SMOC2: variants seen among roughly 807,000 people sequenced by gnomAD.
The protein encoded by SMOC2 is SPARC related modular calcium binding 2.
A neutral mutation model predicts 61.4 loss-of-function variants in SMOC2; 39 were observed. That is an observed-to-expected ratio of 0.64 (90% CI 0.49 to 0.83). SMOC2 has a LOEUF of 0.83. Ranked by LOEUF, SMOC2 falls within the 40% of genes least tolerant of loss-of-function variation. The probability of loss-of-function intolerance (pLI) is 0.00; values close to 1 mark genes in which losing one functional copy is unlikely to be tolerated. For missense variants in SMOC2, 556 were observed against 592.9 expected, an observed-to-expected ratio of 0.94 and a Z score of 0.65; for synonymous variants, 247 against 239.9, an observed-to-expected ratio of 1.03 and a Z score of -0.27.
chr6:168,658,949 T>G (rs1787398891), intron 11 of SMOC2, among the ~76,000 whole-genome samples: 1 of 149,860 alleles, frequency 6.7e-6, no homozygotes, highest in African/African-American at 2.5e-5. Context: ...GTGGTGTGTG[T>G]GGTGTGTGTG....
intron 1 of SMOC2, among the ~76,000 whole-genome samples, chr6:168,480,292 C>T (rs1005637855): frequency 1.3e-5 from 2 of 151,998 alleles, no homozygotes; most frequent in Non-Finnish European, 2.9e-5. Flanking sequence ...TGAAAAAGAC[C>T]TGATAGCAGA....
chr6:168,615,173 G>T (rs1392846485), intron 9 of SMOC2, among the ~76,000 whole-genome samples: 1 of 68,852 alleles, frequency 1.5e-5, no homozygotes. Flanking sequence ...AGCCAGCACA[G>T]GGCCTCTTCA....
At chr6:168,616,475 T>C (rs928555427) in intron 9 of SMOC2, among the ~76,000 whole-genome samples, 26 of 152,154 alleles carry the variant, frequency 1.7e-4, no homozygotes, top group African/African-American at 6.0e-4. Context: ...GGTGGCATGA[T>C]ACCTAAAGAA....
intron 2 of SMOC2, among the ~76,000 whole-genome samples, chr6:168,518,909 G>A (rs1783236873): frequency 6.6e-6 from 1 of 151,786 alleles, no homozygotes; most frequent in Non-Finnish European, 1.5e-5. Flanking sequence ...GCGTGCATGT[G>A]TGAGTGAGCA....
At chr6:168,442,835 A>G (rs772626867) in intron 1 of SMOC2, among the ~76,000 whole-genome samples, 1 of 152,182 alleles carries the variant, frequency 6.6e-6, no homozygotes, top group African/African-American at 2.4e-5. Flanking sequence ...CTTGTGTCTC[A>G]CAAATGACTT....
chr6:168,526,348 G>A lies in SMOC2; in HGVS notation c.259G>A (p.Val87Met), dbSNP rs186976793. ...EIAYRGNCKD[V>M]SRCVAERKYT... ...CTCTGCCCTGTTCTTCCCTACAGAC[G>A]TGTCCAGGTGTGTGGCCGAAAGGAA... The change falls in exon 3 of 13, where the codon GTG (valine) becomes ATG (methionine). Residue 87 changes from valine (V) to methionine (M), a missense_variant and splice_region_variant. Transcript: ENST00000356284. 8 of 1,613,854 alleles carry A rather than the reference G, an allele frequency of 5.0e-6. No individual in the cohort carries two copies. Among genetic ancestry groups the A allele is most frequent in the East Asian group, 2.2e-5 (1 of 44,872 alleles).
At chr6:168,502,742 TTTAATTTAA>T (rs1490683047) in intron 1 of SMOC2, among the ~76,000 whole-genome samples, 3 of 36,142 alleles carry the variant, frequency 8.3e-5, no homozygotes, top group South Asian at 1.2e-3. Flanking sequence ...TTTATTTTAA[TTTAATTTAA>T]TTTAATTTAA....
intron 11 of SMOC2, among the ~76,000 whole-genome samples, chr6:168,660,446 T>G (rs761314212): frequency 5.3e-5 from 8 of 152,194 alleles, no homozygotes; most frequent in Non-Finnish European, 1.0e-4. Flanking sequence ...GGAGGAAATG[T>G]TTTTTCATTG....
At chr6:168,481,051 C>T (rs145272163) in intron 1 of SMOC2, among the ~76,000 whole-genome samples, 5 of 152,280 alleles carry the variant, frequency 3.3e-5, no homozygotes, top group East Asian at 1.9e-4. Context: ...GAGGAAGTTT[C>T]TTACCAGTAA....
At chr6:168,504,184 G>A (rs1562559579) in intron 1 of SMOC2, among the ~76,000 whole-genome samples, 1 of 152,016 alleles carries the variant, frequency 6.6e-6, no homozygotes, top group Admixed American at 6.6e-5. Context: ...TAGATGGGCG[G>A]TCCCCAACCT....
At chr6:168,466,203 A>C (rs1781829080) in intron 1 of SMOC2, among the ~76,000 whole-genome samples, 2 of 132,586 alleles carry the variant, frequency 1.5e-5, no homozygotes, top group South Asian at 5.0e-4. Context: ...GGGGGCTCTG[A>C]ATGAGTTGAA....
At chr6:168,534,521 A>G (rs971826266) in intron 4 of SMOC2, among the ~76,000 whole-genome samples, 1 of 152,188 alleles carries the variant, frequency 6.6e-6, no homozygotes, top group Non-Finnish European at 1.5e-5. Context: ...TTGGGGCTGA[A>G]GCTCCCATCT....
chr6:168,558,298 C>T (rs1468929432), intron 7 of SMOC2, among the ~76,000 whole-genome samples: 7 of 152,290 alleles, frequency 4.6e-5, no homozygotes, highest in East Asian at 1.9e-4. Context: ...TGTCATGTAC[C>T]GTGAAGGTGC....
chr6:168,464,290 G>A (rs920668169), intron 1 of SMOC2, among the ~76,000 whole-genome samples: 2 of 151,734 alleles, frequency 1.3e-5, no homozygotes, highest in African/African-American at 4.8e-5. Flanking sequence ...ATGGAAGGAA[G>A]GAAGGACGGA....
chr6:168,621,437 C>T (rs1234225844), intron 9 of SMOC2, among the ~76,000 whole-genome samples: 1 of 152,178 alleles, frequency 6.6e-6, no homozygotes, highest in Non-Finnish European at 1.5e-5. Flanking sequence ...CTTTGATATG[C>T]TCTTTAAAAA....
intron 1 of SMOC2, among the ~76,000 whole-genome samples, chr6:168,459,206 G>A (rs556463137): frequency 6.6e-6 from 1 of 152,294 alleles, no homozygotes; most frequent in Admixed American, 6.5e-5. Flanking sequence ...TGACAGGAGC[G>A]ATGTCATCAG....
chr6:168,560,435 A>ATTTTTTAAAACTC (rs1554240327), intron 7 of SMOC2, among the ~76,000 whole-genome samples: 1 of 152,152 alleles, frequency 6.6e-6, no homozygotes, highest in Non-Finnish European at 1.5e-5. Context: ...GGTCATATTT[A>ATTTTTTAAAACTC]TTTTTTAAAA....
intron 2 of SMOC2, 21 bp downstream of exon 2, chr6:168,510,107 T>TCATC: frequency 6.2e-7 from 1 of 1,609,106 alleles, no homozygotes; most frequent in South Asian, 1.1e-5. Context: ...GTTTGATCAT[T>TCATC]CATCCAAAGA....
chr6:168,519,807 C>T (rs1783285246), intron 2 of SMOC2, among the ~76,000 whole-genome samples: 1 of 152,180 alleles, frequency 6.6e-6, no homozygotes, highest in African/African-American at 2.4e-5. Flanking sequence ...TAGAGATGGG[C>T]ATGATCTGTG....
Sources: allele counts gnomAD v4.1 joint callset (sites outside exome capture counted in the v4.1 genomes callset), GRCh38; gene constraint gnomAD v4.1.1; transcripts MANE v1.5; gene names NCBI Gene and HGNC (gene_info 2026-07-23, HGNC 2026-07-21).